The following KRTAP4-12 variants were observed in gnomAD, a reference collection of about 807,000 sequenced individuals.
KRTAP4-12 encodes the protein keratin associated protein 4-12, also known as keratin-associated protein 4-12.
In KRTAP4-12, 1 loss-of-function variant was observed where a neutral mutation model predicts 0.9. The observed-to-expected ratio is 1.11, with a 90% CI of 0.40 to 5.29. The LOEUF (loss-of-function observed/expected upper bound fraction) is 5.29. KRTAP4-12 is among the 30% of genes most tolerant of loss of function. KRTAP4-12 has a pLI of 0.16. For missense variants in KRTAP4-12, 240 were observed against 265.6 expected, an observed-to-expected ratio of 0.90 and a Z score of 0.67; for synonymous variants, 85 against 94.0, an observed-to-expected ratio of 0.90 and a Z score of 0.55.
At position 41,124,086 on chromosome 17, in the gene KRTAP4-12, G is replaced by A; in HGVS notation, c.37C>T (p.Gln13Ter). 1 of 1,613,616 alleles carries A rather than the reference G, an allele frequency of 6.2e-7. No homozygotes were observed. Among genetic ancestry groups the A allele is most frequent in the Non-Finnish European group, 8.5e-7 (1 of 1,179,870 alleles). Reference sequence around the variant, plus strand: ...CAGCAGTTCTCCAGGCCACAGCCCTGGTCAGAGCACACAGAGCCACAACAG... The same window carrying A: ...CAGCAGTTCTCCAGGCCACAGCCCTAGTCAGAGCACACAGAGCCACAACAG... ...NSCCGSVCSD[Q>*]GCGLENCCRP... Residue 13 changes from glutamine to a stop codon, truncating the protein, a stop_gained, in exon 1 of 1, where the codon CAG (glutamine) becomes TAG (stop). Coordinates refer to ENST00000394014, the MANE Select transcript of KRTAP4-12 (RefSeq NM_031854.3). LOFTEE classifies it low-confidence loss of function (END_TRUNC).
In KRTAP4-12 at chr17:41,123,545, G is replaced by T. The variant is rs1231829209; in HGVS notation, c.578C>A (p.Pro193His). The stretch of plus-strand genomic sequence containing the variant: ...GCAGCAAGAGGAGGCACAGCACAAG[G>T]GGCGGGGGCAGGTGGAGATGACACA... ...PTCVISTCPRPLCCASSCC is the reference protein window; with the variant it reads ...PTCVISTCPRHLCCASSCC The change falls in exon 1 of 1, where the codon CCC (proline) becomes CAC (histidine). Residue 193 changes from proline (P) to histidine (H), a missense_variant. This residue lies in a region of KRTAP4-12 where 119 missense variants were observed against 106.2 expected (regional missense o/e 1.12). Transcript: ENST00000394014. 6.2e-7 allele frequency: 1 copy of T among 1,612,924 alleles called. No individual in the cohort carries two copies. The highest frequency in any genetic ancestry group is 2.2e-5 in the East Asian group (1 of 44,866).
rs368276698 is a variant in KRTAP4-12 at position 41,123,505 on chromosome 17, C to A, written c.*12G>T. 4.8e-5 allele frequency: 77 copies of A among 1,606,964 alleles called. 1 individual carries two copies. The African/African-American group carries it at 1.0e-3, about 21-fold the overall frequency. On this transcript the variant is annotated 3_prime_UTR_variant, in exon 1 of 1. Transcript: ENST00000394014. ...GGACGTAATAAGGAAGTGGTGTGTT[C>A]ACAGCAGAGATTTAGCAGCAAGAGG...
At position 41,123,959 on chromosome 17, in the gene KRTAP4-12, C is replaced by A; in HGVS notation, c.164G>T (p.Cys55Phe). The A allele has an allele frequency of 6.4e-7, 1 of 1,561,070 alleles. No homozygotes were observed. Among genetic ancestry groups the A allele is most frequent in the Non-Finnish European group, 8.5e-7 (1 of 1,170,702 alleles). The change falls in exon 1 of 1, where the codon TGC becomes TTC. Residue 55 changes from cysteine to phenylalanine, a missense_variant. Physicochemically the swap from Cys to Phe is radical, Grantham distance 205. Coordinates refer to ENST00000394014, the MANE Select transcript of KRTAP4-12 (RefSeq NM_031854.3). ...CCRPQCCQSV[C>F]CQPTCCRPSC... ...GGGGCGGCAGCAGGTGGGCTGACAG[C>A]ACACAGACTGGCAGCACTGGGGCCT...
Position 41,123,236 on chromosome 17 carries a change from C to G in KRTAP4-12, c.*281G>C, listed in dbSNP as rs1478639882. On this transcript the variant is annotated 3_prime_UTR_variant, in exon 1 of 1. Coordinates refer to ENST00000394014, the MANE Select transcript of KRTAP4-12 (RefSeq NM_031854.3). ...TCTGTGGCCCTACAAATGATGGAGG[C>G]AATCTTCAAATTCCTTAGGCATGAT... is the stretch of plus-strand genomic sequence containing the variant. 2 of 606,758 alleles carry G rather than the reference C, an allele frequency of 3.3e-6. No individual in the cohort carries two copies. The highest frequency in any genetic ancestry group is 6.0e-5 in the East Asian group (2 of 33,570). The allele number at this position is 606,758 out of a possible 1,614,324, so 37.6% of individuals were successfully genotyped here. A position where few individuals can be genotyped will look rare whatever the true frequency, so the allele number is the denominator to read the frequency against.
Position 41,123,362 on chromosome 17 carries a change from T to A in KRTAP4-12, c.*155A>T. On this transcript the variant is annotated 3_prime_UTR_variant, in exon 1 of 1. Coordinates refer to ENST00000394014, the MANE Select transcript of KRTAP4-12 (RefSeq NM_031854.3). Reference sequence around the variant, plus strand: ...GAATTCCTTTGGAAGGAAGGGAGTTTGGACAAAAGGTAGAATGCAAATACA... The same window carrying A: ...GAATTCCTTTGGAAGGAAGGGAGTTAGGACAAAAGGTAGAATGCAAATACA... 1 of 1,378,292 alleles carries A rather than the reference T, an allele frequency of 7.3e-7. No homozygotes were observed. Among genetic ancestry groups the A allele is most frequent in the Non-Finnish European group, 9.7e-7 (1 of 1,035,454 alleles). The allele number at this position is 1,378,292 out of a possible 1,614,324, so 85.4% of individuals were successfully genotyped here. A position where few individuals can be genotyped will look rare whatever the true frequency, so the allele number is the denominator to read the frequency against.
rs1001453766 is a variant in KRTAP4-12, at chr17:41,123,397, A to G, written c.*120T>C. 6.9e-7 allele frequency: 1 copy of G among 1,444,288 alleles called. No individual in the cohort carries two copies. Among genetic ancestry groups the G allele is most frequent in the Non-Finnish European group, 9.2e-7 (1 of 1,092,170 alleles). The allele number at this position is 1,444,288 out of a possible 1,614,324, so 89.5% of individuals were successfully genotyped here. A position where few individuals can be genotyped will look rare whatever the true frequency, so the allele number is the denominator to read the frequency against. ...GTAGAATGCAAATACAGAATTTCTA[A>G]GGATGAGGTTTGCTTATGGGACCCA... On this transcript the variant is annotated 3_prime_UTR_variant, in exon 1 of 1. Coordinates refer to ENST00000394014, the MANE Select transcript of KRTAP4-12 (RefSeq NM_031854.3).
In KRTAP4-12 at chr17:41,123,589, G is replaced by A. The variant is rs146939021; in HGVS notation, c.534C>T (p.Thr178=). 0.026 allele frequency: 41,755 copies of A among 1,612,548 alleles called. 1,529 individuals are homozygous for A. The highest frequency in any genetic ancestry group is 0.17 in the East Asian group (7,703 of 44,820). ...RPVCGRVSCH[T]TCYRPTCVIS... ...TGACACAGGTTGGGCGATAGCAAGT[G>A]GTGTGGCAGGAGACTCGGCCACAGA... The change falls in exon 1 of 1, where the codon ACC becomes ACT. Residue 178 remains threonine (T), a synonymous_variant. Coordinates refer to ENST00000394014, the MANE Select transcript of KRTAP4-12 (RefSeq NM_031854.3).
Position 41,123,494 on chromosome 17 carries a change from A to T in KRTAP4-12, c.*23T>A. ...TCTGTAGGAAAGGACGTAATAAGGAAGTGGTGTGTTCACAGCAGAGATTTA... is the reference window on the plus strand; with the variant it reads ...TCTGTAGGAAAGGACGTAATAAGGATGTGGTGTGTTCACAGCAGAGATTTA... On this transcript the variant is annotated 3_prime_UTR_variant, in exon 1 of 1. Coordinates refer to ENST00000394014, the MANE Select transcript of KRTAP4-12 (RefSeq NM_031854.3). 6.3e-7 allele frequency: 1 copy of T among 1,598,594 alleles called. No homozygotes were observed. Among genetic ancestry groups the T allele is most frequent in the Non-Finnish European group, 8.5e-7 (1 of 1,171,878 alleles).
At position 41,123,740 on chromosome 17, in the gene KRTAP4-12, G is replaced by T; in HGVS notation, c.383C>A (p.Pro128His). 1 of 1,613,330 alleles carries T rather than the reference G, an allele frequency of 6.2e-7. No homozygotes were observed. Among genetic ancestry groups the T allele is most frequent in the Admixed American group, 1.7e-5 (1 of 59,960 alleles). ...PSCCVSSCCR[P>H]QCCQSVCCQP... The stretch of plus-strand genomic sequence containing the variant: ...GCAGCACACAGACTGGCAGCACTGG[G>T]GTCTGCAGCAGCTGGACACACAGCA... Residue 128 changes from proline (P) to histidine (H), a missense_variant, in exon 1 of 1, where the codon CCC becomes CAC. Around this residue, in one of 3 missense-constraint regions of KRTAP4-12, gnomAD observed 119 missense variants for 106.2 expected, o/e 1.12. Coordinates refer to ENST00000394014, the MANE Select transcript of KRTAP4-12 (RefSeq NM_031854.3).
Position 41,123,716 on chromosome 17 carries a change from C to T in KRTAP4-12, c.407G>A (p.Cys136Tyr), listed in dbSNP as rs1198491257. 2 of 1,613,404 alleles carry T rather than the reference C, an allele frequency of 1.2e-6. No homozygotes were observed. The highest frequency in any genetic ancestry group is 3.3e-5 in the Admixed American group (2 of 59,972). ...GCTGGGGCGGCAGCAGGTGGGCTGGCAGCACACAGACTGGCAGCACTGGGG... is the reference window on the plus strand; with the variant it reads ...GCTGGGGCGGCAGCAGGTGGGCTGGTAGCACACAGACTGGCAGCACTGGGG... ...CRPQCCQSVC[C>Y]QPTCCRPSCC... Residue 136 changes from cysteine (C) to tyrosine (Y), a missense_variant, in exon 1 of 1, where the codon TGC becomes TAC. By Grantham distance (194) the Cys-to-Tyr change is radical (BLOSUM62 -2). Transcript: ENST00000394014.
rs536748894 is a variant in KRTAP4-12, at chr17:41,123,445, G to A, written c.*72C>T. 1.3e-5 allele frequency: 20 copies of A among 1,523,316 alleles called. No homozygotes were observed. The East Asian group carries it at 2.4e-4, about 18-fold the overall frequency. The allele number at this position is 1,523,316 out of a possible 1,614,324, so 94.4% of individuals were successfully genotyped here. ...CCAGATCAATTCTCTTGAACAGTCC[G>A]CATGTTTGCAATGAGAGCCTTCATC... On this transcript the variant is annotated 3_prime_UTR_variant, in exon 1 of 1. Coordinates refer to ENST00000394014, the MANE Select transcript of KRTAP4-12 (RefSeq NM_031854.3).
rs376150016 is a variant in KRTAP4-12 at position 41,123,168 on chromosome 17, A to G, written c.*349T>C. 4 of 419,990 alleles carry G rather than the reference A, an allele frequency of 9.5e-6. No homozygotes were observed. Among genetic ancestry groups the G allele is most frequent in the African/African-American group, 6.0e-5 (3 of 49,716 alleles). The allele number at this position is 419,990 out of a possible 1,614,324, so 26.0% of individuals were successfully genotyped here. A position where few individuals can be genotyped will look rare whatever the true frequency, so the allele number is the denominator to read the frequency against. On this transcript the variant is annotated 3_prime_UTR_variant, in exon 1 of 1. Coordinates refer to ENST00000394014, the MANE Select transcript of KRTAP4-12 (RefSeq NM_031854.3). ...TACAAAAATGTTTGCAAAAGACTTT[A>G]AGAGAGAGACTTCACTGGACTTCAA...
At position 41,123,223 on chromosome 17, in the gene KRTAP4-12, C is replaced by A; in HGVS notation, c.*294G>T. 3.4e-6 allele frequency: 2 copies of A among 580,464 alleles called. No homozygotes were observed. Among genetic ancestry groups the A allele is most frequent in the Non-Finnish European group, 5.8e-6 (2 of 344,134 alleles). The allele number at this position is 580,464 out of a possible 1,614,324, so 36.0% of individuals were successfully genotyped here. A position where few individuals can be genotyped will look rare whatever the true frequency, so the allele number is the denominator to read the frequency against. On this transcript the variant is annotated 3_prime_UTR_variant, in exon 1 of 1. Coordinates refer to ENST00000394014, the MANE Select transcript of KRTAP4-12 (RefSeq NM_031854.3). ...GGAGGCTTTAAGATCTGTGGCCCTA[C>A]AAATGATGGAGGCAATCTTCAAATT...
chr17:41,123,448 T>C lies in KRTAP4-12; in HGVS notation c.*69A>G. On this transcript the variant is annotated 3_prime_UTR_variant, in exon 1 of 1. Transcript: ENST00000394014. The stretch of plus-strand genomic sequence containing the variant: ...GATCAATTCTCTTGAACAGTCCGCA[T>C]GTTTGCAATGAGAGCCTTCATCTGT... 1 of 1,527,728 alleles carries C rather than the reference T, an allele frequency of 6.5e-7. No individual in the cohort carries two copies. Among genetic ancestry groups the C allele is most frequent in the Non-Finnish European group, 8.8e-7 (1 of 1,134,934 alleles). 94.6% of individuals were successfully genotyped at this position (1,527,728 alleles called of 1,614,324 possible).
chr17:41,123,514 G>T lies in KRTAP4-12; in HGVS notation c.*3C>A. Reference sequence around the variant, plus strand: ...AAGGAAGTGGTGTGTTCACAGCAGAGATTTAGCAGCAAGAGGAGGCACAGC... The same window carrying T: ...AAGGAAGTGGTGTGTTCACAGCAGATATTTAGCAGCAAGAGGAGGCACAGC... On this transcript the variant is annotated 3_prime_UTR_variant, in exon 1 of 1. Coordinates refer to ENST00000394014, the MANE Select transcript of KRTAP4-12 (RefSeq NM_031854.3). 1.9e-6 allele frequency: 3 copies of T among 1,610,424 alleles called. No homozygotes were observed. The highest frequency in any genetic ancestry group is 2.2e-5 in the East Asian group (1 of 44,806).
Position 41,123,877 on chromosome 17 carries a change from C to T in KRTAP4-12, c.246G>A (p.Val82=), listed in dbSNP as rs776266639. ...RTTCCRPSCC[V]SSCCRPQCCQ... ...AGCACTGGGGTCTGCAGCAGCTGGA[C>T]ACACAGCAGCTGGGGCGGCAGCAGG... Residue 82 remains valine, a synonymous_variant, in exon 1 of 1, where the codon GTG becomes GTA. Coordinates refer to ENST00000394014, the MANE Select transcript of KRTAP4-12 (RefSeq NM_031854.3). 3.2e-6 allele frequency: 5 copies of T among 1,567,440 alleles called. No homozygotes were observed. The African/African-American group carries it at 5.5e-5, about 17-fold the overall frequency.
Position 41,123,902 on chromosome 17 carries a change from G to A in KRTAP4-12, c.221C>T (p.Thr74Ile). 3.8e-6 allele frequency: 6 copies of A among 1,567,478 alleles called. No homozygotes were observed. The highest frequency in any genetic ancestry group is 5.1e-6 in the Non-Finnish European group (6 of 1,173,706). ...SCCQTTCCRT[T>I]CCRPSCCVSS... ...CACACAGCAGCTGGGGCGGCAGCAGGTGGTCCTACAGCAGGTGGTCTGACA... is the reference window on the plus strand; with the variant it reads ...CACACAGCAGCTGGGGCGGCAGCAGATGGTCCTACAGCAGGTGGTCTGACA... The change falls in exon 1 of 1, where the codon ACC (threonine) becomes ATC (isoleucine). Residue 74 changes from threonine to isoleucine, a missense_variant. Transcript: ENST00000394014.
chr17:41,124,126 G>A lies in KRTAP4-12; in HGVS notation c.-4C>T, dbSNP rs767941728. The A allele has an allele frequency of 1.9e-6, 3 of 1,606,586 alleles. No homozygotes were observed. The highest frequency in any genetic ancestry group is 2.6e-6 in the Non-Finnish European group (3 of 1,175,066). ...AGCCACAACAGGAGTTGACCATGGTGTCAGAGGGTGGAGGTTCTCGGTGGG... is the reference window on the plus strand; with the variant it reads ...AGCCACAACAGGAGTTGACCATGGTATCAGAGGGTGGAGGTTCTCGGTGGG... On this transcript the variant is annotated 5_prime_UTR_variant, in exon 1 of 1. Transcript: ENST00000394014.
In KRTAP4-12 at chr17:41,124,136, G is replaced by T. The variant is rs561833959; in HGVS notation, c.-14C>A. 32 of 1,598,924 alleles carry T rather than the reference G, an allele frequency of 2.0e-5. No individual in the cohort carries two copies. The African/African-American group carries it at 4.0e-4, about 20-fold the overall frequency. ...GGAGTTGACCATGGTGTCAGAGGGT[G>T]GAGGTTCTCGGTGGGTTTCCAGGAG... On this transcript the variant is annotated 5_prime_UTR_variant, in exon 1 of 1. Coordinates refer to ENST00000394014, the MANE Select transcript of KRTAP4-12 (RefSeq NM_031854.3).
Sources: allele counts gnomAD v4.1 joint callset, GRCh38; gene constraint gnomAD v4.1.1; regional missense constraint gnomAD v4.1.1; transcripts MANE v1.5; gene names NCBI Gene and HGNC (gene_info 2026-07-23, HGNC 2026-07-21).